Variants in SYNPO2 observed in about 807,000 individuals in gnomAD.
SYNPO2 encodes the protein synaptopodin 2.
A neutral mutation model predicts 85.0 loss-of-function variants in SYNPO2; 56 were observed. That is an observed-to-expected ratio of 0.66 (90% CI 0.53 to 0.82). The LOEUF (loss-of-function observed/expected upper bound fraction) is 0.82. Among genes scored for constraint, SYNPO2 ranks in the 40% least tolerant of loss-of-function variants. The pLI, the probability that SYNPO2 is intolerant of heterozygous loss-of-function variation, is 0.00. For synonymous variants in SYNPO2, 602 were observed against 591.1 expected (o/e 1.02, Z -0.27); for missense variants, 1,575 against 1,534.2 (o/e 1.03, Z -0.44).
Position 119,026,658 on chromosome 4 carries a change from T to C in SYNPO2, c.289T>C (p.Ser97Pro). The change falls in exon 3 of 5, where the codon TCT becomes CCT. Residue 97 changes from serine to proline, a missense_variant. This residue lies in a region of SYNPO2 where 1,508 missense variants were observed against 1,446.8 expected (regional missense o/e 1.04). Coordinates refer to ENST00000307142, the MANE Select transcript of SYNPO2 (RefSeq NM_133477.3). ...PSSGISEALI[S>P]ENENKNLEHL... ...CAGTGGAATAAGTGAGGCTTTGATA[T>C]CTGAAAATGAAAACAAAAACCTCGA... The C allele has an allele frequency of 6.2e-7, 1 of 1,611,234 alleles. No homozygotes were observed. Among genetic ancestry groups the C allele is most frequent in the Non-Finnish European group, 8.5e-7 (1 of 1,178,782 alleles).
At chr4:118,940,410 G>T (rs956508114) in intron 1 of SYNPO2, among the ~76,000 whole-genome samples, 1 of 152,094 alleles carries the variant, frequency 6.6e-6, no homozygotes, top group African/African-American at 2.4e-5. Context: ...GAAAACATTA[G>T]AATTACTTCT....
intron 1 of SYNPO2, among the ~76,000 whole-genome samples, chr4:119,022,546 G>A (rs1348044730): frequency 3.3e-5 from 4 of 121,562 alleles, no homozygotes; most frequent in Non-Finnish European, 6.7e-5. Flanking sequence ...TTTAGAGACA[G>A]GGTCTTACCA....
intron 1 of SYNPO2, among the ~76,000 whole-genome samples, chr4:118,944,565 TAG>T (rs1337951107): frequency 6.6e-6 from 1 of 152,176 alleles, no homozygotes; most frequent in Non-Finnish European, 1.5e-5. Flanking sequence ...TGATTCAAAC[TAG>T]AGTTAGATGC....
chr4:118,977,037 C>T (rs970662236), intron 1 of SYNPO2, among the ~76,000 whole-genome samples: 16 of 152,240 alleles, frequency 1.1e-4, no homozygotes, highest in South Asian at 6.2e-4. Flanking sequence ...GCCAGTCCGG[C>T]GCCGTGCGCT....
At chr4:119,055,955 T>A (rs1051650716) in intron 4 of SYNPO2, among the ~76,000 whole-genome samples, 14 of 152,172 alleles carry the variant, frequency 9.2e-5, no homozygotes, top group African/African-American at 3.4e-4. Context: ...ATCCAGGTAT[T>A]GATATTCACT....
chr4:119,038,069 A>T (rs921976531), intron 4 of SYNPO2: 1 of 871,312 alleles, frequency 1.1e-6, no homozygotes, highest in Non-Finnish European at 1.4e-6. Context: ...GCTTATAAGC[A>T]GTGGATTAGG....
chr4:119,014,727 G>A (rs1381013160), intron 1 of SYNPO2, among the ~76,000 whole-genome samples: 1 of 152,100 alleles, frequency 6.6e-6, no homozygotes, highest in Non-Finnish European at 1.5e-5. Flanking sequence ...AAACACCGAT[G>A]ATGGCCTAAA....
chr4:119,049,093 T>G (rs1048818102), intron 4 of SYNPO2, among the ~76,000 whole-genome samples: 4 of 152,154 alleles, frequency 2.6e-5, no homozygotes, highest in African/African-American at 9.7e-5. Flanking sequence ...GAAGACTTGG[T>G]CAGATAGTGG....
At chr4:118,883,955 G>T (rs896750303), upstream of SYNPO2, among the ~76,000 whole-genome samples, 3 of 152,052 alleles carry the variant, frequency 2.0e-5, no homozygotes, top group African/African-American at 7.3e-5. Flanking sequence ...ACTACTCAGG[G>T]CTCTGCAAGC....
upstream of SYNPO2, among the ~76,000 whole-genome samples, chr4:118,883,957 T>C (rs1377400448): frequency 6.6e-6 from 1 of 152,164 alleles, no homozygotes; most frequent in Non-Finnish European, 1.5e-5. Flanking sequence ...TACTCAGGGC[T>C]CTGCAAGCAG....
intron 1 of SYNPO2, among the ~76,000 whole-genome samples, chr4:118,977,297 T>C (rs1040056464): frequency 6.6e-5 from 10 of 152,218 alleles, no homozygotes; most frequent in Admixed American, 3.9e-4. Flanking sequence ...GCCTGGGTGC[T>C]AAGTCCCCCA....
intron 1 of SYNPO2, among the ~76,000 whole-genome samples, chr4:118,862,479 T>C (rs1237066895): frequency 6.6e-6 from 1 of 152,240 alleles, no homozygotes; most frequent in African/African-American, 2.4e-5. Context: ...ACATAGCTTT[T>C]ATTATGTTGA....
At chr4:119,046,458 G>A (rs1738870282) in intron 4 of SYNPO2, among the ~76,000 whole-genome samples, 2 of 152,188 alleles carry the variant, frequency 1.3e-5, no homozygotes. Context: ...CAGCAGCCTC[G>A]GAGGCGTGCA....
intron 1 of SYNPO2, among the ~76,000 whole-genome samples, chr4:118,938,535 T>C (rs1165861155): frequency 2.0e-5 from 3 of 152,184 alleles, no homozygotes; most frequent in African/African-American, 7.2e-5. Context: ...CAGTAGGAAA[T>C]AATAGCTATT....
At chr4:118,925,743 C>T (rs1733691523) in intron 1 of SYNPO2, among the ~76,000 whole-genome samples, 1 of 152,100 alleles carries the variant, frequency 6.6e-6, no homozygotes, top group Admixed American at 6.6e-5. Flanking sequence ...GAAATGGGAA[C>T]TATTTTAAGG....
Position 119,061,135 on chromosome 4 carries a change from T to A in SYNPO2, c.*3201T>A, listed in dbSNP as rs1739399434. On this transcript the variant is annotated 3_prime_UTR_variant, in exon 5 of 5. Coordinates refer to ENST00000307142, the MANE Select transcript of SYNPO2 (RefSeq NM_133477.3). The stretch of plus-strand genomic sequence containing the variant: ...TTTTCTATTTTAAAAAATTGTGTTC[T>A]CTTGTTAAATAGATTAACATTTCCA... 1 of 152,208 alleles carries A rather than the reference T, an allele frequency of 6.6e-6. No homozygotes were observed. The highest frequency in any genetic ancestry group is 6.5e-5 in the Admixed American group (1 of 15,278). 9.4% of individuals were successfully genotyped at this position (152,208 alleles called of 1,614,324 possible).
At position 118,982,535 on chromosome 4, in the gene SYNPO2, C is replaced by G. The variant is rs547499175; in HGVS notation, c.106-40895C>G. Among the ~76,000 whole-genome samples, 20 of 152,206 alleles carry G rather than the reference C, an allele frequency of 1.3e-4. No homozygotes were observed. The South Asian group carries it at 4.2e-3, about 32-fold the overall frequency. ...GAGAAGAGAAGGAGGATGGTATGCCCCTCTGTACTTGGAGAATCACTAGCG... is the reference window on the plus strand; with the variant it reads ...GAGAAGAGAAGGAGGATGGTATGCCGCTCTGTACTTGGAGAATCACTAGCG... On this transcript the variant is annotated intron_variant, in intron 1 of 4. Transcript: ENST00000307142.
chr4:118,854,448 A>G (rs769028209), intron 1 of SYNPO2, among the ~76,000 whole-genome samples: 4 of 152,230 alleles, frequency 2.6e-5, no homozygotes, highest in Non-Finnish European at 4.4e-5. Flanking sequence ...ATAGAAAACC[A>G]GCCAATTCAA....
rs1420168354 is a variant in SYNPO2 at position 118,922,685 on chromosome 4, T to C, written c.105+33544T>C. Reference sequence around the variant, plus strand: ...AAAGAGGGTTAAGGTAACAGCCTTTTTTTTTTTTTAGAAGATCAACTGGCA... The same window carrying C: ...AAAGAGGGTTAAGGTAACAGCCTTTCTTTTTTTTTAGAAGATCAACTGGCA... On this transcript the variant is annotated intron_variant, in intron 1 of 4. Transcript: ENST00000307142. 3.3e-5 allele frequency among the ~76,000 whole-genome samples: 5 copies of C among 152,034 alleles called. No homozygotes were observed. The East Asian group carries it at 9.6e-4, about 29-fold the overall frequency.
Sources: allele counts gnomAD v4.1 joint callset (sites outside exome capture counted in the v4.1 genomes callset), GRCh38; gene constraint gnomAD v4.1.1; regional missense constraint gnomAD v4.1.1; transcripts MANE v1.5; gene names NCBI Gene and HGNC (gene_info 2026-07-23, HGNC 2026-07-21).